The following SUDS3 variants were observed in gnomAD, a reference collection of about 807,000 sequenced individuals.
SUDS3 encodes SIN3A corepressor complex component SDS3, also known as sin3 histone deacetylase corepressor complex component SDS3.
In SUDS3, 23 loss-of-function variants were observed where a neutral mutation model predicts 53.5. The ratio of observed to expected loss-of-function variants is 0.43; its 90% CI spans 0.31 to 0.61. SUDS3 has a LOEUF of 0.61. Among genes scored for constraint, SUDS3 ranks in the 20% least tolerant of loss-of-function variants. The pLI is 0.10. For missense variants in SUDS3, 291 were observed against 405.9 expected, an observed-to-expected ratio of 0.72 and a Z score of 2.43; for synonymous variants, 150 against 148.5, an observed-to-expected ratio of 1.01 and a Z score of -0.08.
intron 10 of SUDS3, among the ~76,000 whole-genome samples, chr12:118,408,690 G>A (rs1566210099): frequency 6.6e-6 from 1 of 150,636 alleles, no homozygotes; most frequent in African/African-American, 2.4e-5. Flanking sequence ...AGTTTTTTTT[G>A]GTTTTTTTTT....
At position 118,385,371 on chromosome 12, in the gene SUDS3, A is replaced by G. The variant is rs2046105827; in HGVS notation, c.269-743A>G. On this transcript the variant is annotated intron_variant, in intron 3 of 11. Coordinates refer to ENST00000543473, the MANE Select transcript of SUDS3 (RefSeq NM_022491.3). ...TGATCCGCCCACCTCAGCCTCTCAA[A>G]GTGCTGGGATCACAGGCATGAGCCA... 3.9e-5 allele frequency among the ~76,000 whole-genome samples: 6 copies of G among 152,134 alleles called. No individual in the cohort carries two copies. The South Asian group carries it at 1.2e-3, about 32-fold the overall frequency.
At chr12:118,393,860 AG>A (rs2046190413) in intron 6 of SUDS3, among the ~76,000 whole-genome samples, 1 of 149,226 alleles carries the variant, frequency 6.7e-6, no homozygotes, top group Non-Finnish European at 1.5e-5. Flanking sequence ...TAGTAGAGAC[AG>A]GGTTTCATCA....
intron 6 of SUDS3, among the ~76,000 whole-genome samples, chr12:118,395,232 T>C (rs1374614036): frequency 1.4e-5 from 2 of 142,190 alleles, no homozygotes; most frequent in Non-Finnish European, 3.0e-5. Context: ...TTTTTTTTTT[T>C]TTTTTTTTTT....
intron 10 of SUDS3, among the ~76,000 whole-genome samples, chr12:118,409,263 C>T (rs977669674): frequency 2.0e-5 from 3 of 151,918 alleles, no homozygotes; most frequent in Non-Finnish European, 4.4e-5. Flanking sequence ...TCTCCTGCCT[C>T]AGCCTCCCGA....
In SUDS3 at chr12:118,411,554, G is replaced by C. The variant is rs150297613; in HGVS notation, c.888+397G>C. 3.6e-3 allele frequency among the ~76,000 whole-genome samples: 540 copies of C among 151,946 alleles called. 5 individuals are homozygous for C. Among genetic ancestry groups the C allele is most frequent in the African/African-American group, 0.012 (507 of 41,428 alleles). On this transcript the variant is annotated intron_variant, in intron 11 of 11. Coordinates refer to ENST00000543473, the MANE Select transcript of SUDS3 (RefSeq NM_022491.3). ...ACTCTGTTGCCCAGGCTGGAGTACA[G>C]TTGTGCTATCTTGGCTCACTGCAAC...
Position 118,376,762 on chromosome 12 carries a change from C to G in SUDS3, c.71C>G (p.Pro24Arg), listed in dbSNP as rs1239356525. The change falls in exon 1 of 12, where the codon CCC becomes CGC. Residue 24 changes from proline to arginine, a missense_variant. Physicochemically the swap from Pro to Arg is moderately radical, Grantham distance 103. Transcript: ENST00000543473. ...AGAPPAPEYY[P>R]EEDEELESAE... The stretch of plus-strand genomic sequence containing the variant: ...GCGCCGCCGGCCCCCGAGTACTACC[C>G]CGAGGAGGATGAAGAGCTGGAGAGC... 6.5e-7 allele frequency: 1 copy of G among 1,549,936 alleles called. No individual in the cohort carries two copies. Among genetic ancestry groups the G allele is most frequent in the South Asian group, 1.2e-5 (1 of 84,008 alleles).
chr12:118,396,756 G>A (rs896858286), intron 6 of SUDS3, among the ~76,000 whole-genome samples: 1 of 152,202 alleles, frequency 6.6e-6, no homozygotes. Flanking sequence ...CAGTAAACTG[G>A]TAATTGTATG....
chr12:118,417,790 C>T lies in SUDS3; in HGVS notation c.*3357C>T, dbSNP rs1346178025. The T allele has an allele frequency of 1.3e-5, 2 of 151,152 alleles. No homozygotes were observed. The highest frequency in any genetic ancestry group is 4.9e-5 in the African/African-American group (2 of 41,018). 9.4% of individuals were successfully genotyped at this position (151,152 alleles called of 1,614,324 possible). On this transcript the variant is annotated 3_prime_UTR_variant, in exon 12 of 12. Transcript: ENST00000543473. ...TAGAAATTTATTTTAGGTTTTTGAT[C>T]CATTGCTTATGGGGAAAGGAAGTTA...
At chr12:118,404,736 A>AAGGT (rs2046294880) in intron 10 of SUDS3, among the ~76,000 whole-genome samples, 4 of 152,012 alleles carry the variant, frequency 2.6e-5, no homozygotes, top group Admixed American at 2.6e-4. Flanking sequence ...GGGTTACTGT[A>AAGGT]AGGTGTCTCA....
At chr12:118,385,338 A>C (rs1346405575) in intron 3 of SUDS3, among the ~76,000 whole-genome samples, 1 of 152,110 alleles carries the variant, frequency 6.6e-6, no homozygotes, top group Non-Finnish European at 1.5e-5. Flanking sequence ...TGAACTCCTG[A>C]ACTCAGGTGA....
At chr12:118,404,299 C>G (rs928590805) in intron 10 of SUDS3, 3 of 152,160 alleles carry the variant, frequency 2.0e-5, no homozygotes, top group Non-Finnish European at 2.9e-5. Context: ...TTAGTAGACA[C>G]GAGGTTTCGC....
Position 118,403,465 on chromosome 12 carries a change from C to T in SUDS3, c.751C>T (p.Gln251Ter). Residue 251 changes from glutamine (Q) to a stop codon, truncating the protein, a stop_gained, in exon 10 of 12, where the codon CAG (glutamine) becomes TAG (stop). Transcript: ENST00000543473. LOFTEE classifies it high-confidence loss of function. Reference protein sequence around the residue: ...LPATPAESPAQRFEARIEDGK... With the variant: ...LPATPAESPA ...TGCAACACCCGCGGAATCTCCAGCC[C>T]AGAGGTTCGAAGCTCGGATAGAAGA... 1 of 1,613,770 alleles carries T rather than the reference C, an allele frequency of 6.2e-7. No homozygotes were observed. Among genetic ancestry groups the T allele is most frequent in the Non-Finnish European group, 8.5e-7 (1 of 1,179,852 alleles).
At chr12:118,380,927 A>T (rs899441597) in intron 2 of SUDS3, among the ~76,000 whole-genome samples, 6 of 151,670 alleles carry the variant, frequency 4.0e-5, no homozygotes, top group Non-Finnish European at 8.8e-5. Context: ...CTGGTCTCGA[A>T]CTCCTGAGCT....
chr12:118,396,658 A>G (rs767897292), intron 6 of SUDS3, among the ~76,000 whole-genome samples: 102 of 152,340 alleles, frequency 6.7e-4, no homozygotes, highest in Non-Finnish European at 1.3e-3. Flanking sequence ...TGTTGCATTG[A>G]AGCTTTTCCT....
chr12:118,395,052 G>A (rs923557832), intron 6 of SUDS3, among the ~76,000 whole-genome samples: 17 of 151,944 alleles, frequency 1.1e-4, no homozygotes, highest in African/African-American at 4.1e-4. Context: ...AGTTTCACGC[G>A]TATGCAATAG....
In SUDS3 at chr12:118,416,470, CTTT is replaced by C; in HGVS notation, c.*2039_*2041del. ...CACTTTTGCCTTCTCTCCTCTCTGA[CTTT>C]TGAGGGTATTGAGGGCGCCCTTAGT... On this transcript the variant is annotated 3_prime_UTR_variant, in exon 12 of 12. Coordinates refer to ENST00000543473, the MANE Select transcript of SUDS3 (RefSeq NM_022491.3). 1 of 152,228 alleles carries C rather than the reference CTTT, an allele frequency of 6.6e-6. No homozygotes were observed. The allele number at this position is 152,228 out of a possible 1,614,324, so 9.4% of individuals were successfully genotyped here. A position where few individuals can be genotyped will look rare whatever the true frequency, so the allele number is the denominator to read the frequency against.
intron 6 of SUDS3, among the ~76,000 whole-genome samples, chr12:118,392,793 G>C (rs1468790535): frequency 6.6e-6 from 1 of 152,184 alleles, no homozygotes; most frequent in Non-Finnish European, 1.5e-5. Flanking sequence ...GTTTACAGCT[G>C]CTCCCTTTCC....
chr12:118,407,110 GGCTGTC>G (rs1330176674), intron 10 of SUDS3, among the ~76,000 whole-genome samples: 8 of 152,026 alleles, frequency 5.3e-5, no homozygotes, highest in African/African-American at 1.7e-4. Flanking sequence ...ATGTTGCCCA[GGCTGTC>G]CTCAAACTCC....
At chr12:118,399,442 C>T (rs2046244233) in intron 6 of SUDS3, among the ~76,000 whole-genome samples, 1 of 152,148 alleles carries the variant, frequency 6.6e-6, no homozygotes. Flanking sequence ...GCAGAGGTTG[C>T]AGTGAATGAA....
Sources: gnomAD v4.1 joint callset for allele counts (sites outside exome capture counted in the v4.1 genomes callset) on GRCh38, gnomAD v4.1.1 for gene constraint, MANE v1.5 for transcripts, NCBI Gene and HGNC (gene_info 2026-07-23, HGNC 2026-07-21) for gene names.